Variants in DCAF5 observed in about 807,000 individuals in gnomAD.
The protein encoded by DCAF5 is DDB1- and CUL4-associated factor 5.
Under a neutral mutation model 80.7 loss-of-function variants are expected in DCAF5, and 9 were observed. The ratio of observed to expected loss-of-function variants is 0.11; its 90% CI spans 0.07 to 0.19. The LOEUF is 0.19. DCAF5 is among the 10% of genes least tolerant of loss of function. The pLI is 1.00. For synonymous variants in DCAF5, 433 were observed against 461.9 expected, an observed-to-expected ratio of 0.94 and a Z score of 0.80; for missense variants, 842 against 1,205.7, an observed-to-expected ratio of 0.70 and a Z score of 4.47.
At chr14:69,135,993 T>G (rs181884867) in intron 1 of DCAF5, among the ~76,000 whole-genome samples, 55 of 152,346 alleles carry the variant, frequency 3.6e-4, no homozygotes, top group African/African-American at 1.2e-3. Context: ...GGTTTTATAT[T>G]CTACATTGCA....
At chr14:69,095,812 CCAA>C (rs1323515211) in intron 5 of DCAF5, among the ~76,000 whole-genome samples, 1 of 152,104 alleles carries the variant, frequency 6.6e-6, no homozygotes, top group African/African-American at 2.4e-5. Context: ...CCTGGTGGTA[CCAA>C]CAAGATTTTC....
intron 7 of DCAF5, among the ~76,000 whole-genome samples, chr14:69,071,305 A>G (rs1270293747): frequency 1.3e-5 from 2 of 152,108 alleles, no homozygotes; most frequent in African/African-American, 2.4e-5. Context: ...TGGAGTTTGT[A>G]TAGCAAAAAA....
intron 1 of DCAF5, among the ~76,000 whole-genome samples, chr14:69,148,175 G>C (rs1159657141): frequency 6.7e-6 from 1 of 149,884 alleles, no homozygotes; most frequent in Non-Finnish European, 1.5e-5. Context: ...AAGCATAAGA[G>C]GAGGCAATGA....
intron 8 of DCAF5, among the ~76,000 whole-genome samples, chr14:69,056,647 T>C (rs2037982615): frequency 6.6e-6 from 1 of 152,202 alleles, no homozygotes; most frequent in African/African-American, 2.4e-5. Context: ...TATCTTTAGA[T>C]GGCATCCAAC....
At chr14:69,067,506 G>A (rs2038501695) in intron 7 of DCAF5, among the ~76,000 whole-genome samples, 1 of 151,802 alleles carries the variant, frequency 6.6e-6, no homozygotes, top group African/African-American at 2.4e-5. Context: ...ACCACACCTG[G>A]CTAATTTTTT....
In DCAF5 at chr14:69,105,240, C is replaced by T. The variant is rs148308767; in HGVS notation, c.665+11126G>A. Among the ~76,000 whole-genome samples the T allele has an allele frequency of 8.8e-3, 1,334 of 152,120 alleles. 21 individuals carry two copies. Among genetic ancestry groups the T allele is most frequent in the African/African-American group, 0.031 (1,271 of 41,484 alleles). ...TAGCCAGAAGATGGGACAATCCAAACGGCTATCATTAGATGAATGGATAAA... is the reference window on the plus strand; with the variant it reads ...TAGCCAGAAGATGGGACAATCCAAATGGCTATCATTAGATGAATGGATAAA... On this transcript the variant is annotated intron_variant, in intron 5 of 8. Transcript: ENST00000341516.
intron 5 of DCAF5, among the ~76,000 whole-genome samples, chr14:69,115,992 G>A (rs2040533088): frequency 6.6e-6 from 1 of 152,044 alleles, no homozygotes; most frequent in Admixed American, 6.6e-5. Flanking sequence ...CAACAAGTTT[G>A]GCAAATCTCC....
At chr14:69,112,873 C>T (rs1470404652) in intron 5 of DCAF5, among the ~76,000 whole-genome samples, 1 of 152,120 alleles carries the variant, frequency 6.6e-6, no homozygotes, top group Non-Finnish European at 1.5e-5. Flanking sequence ...GATCTGTAAC[C>T]AAGAAGTATG....
At chr14:69,127,814 C>T (rs1275410) in intron 1 of DCAF5, among the ~76,000 whole-genome samples, 37,094 of 152,048 alleles carry the variant, frequency 0.24, 5,879 homozygotes, top group Middle Eastern at 0.43. Context: ...TTCTCTAAAA[C>T]AAAGTCTTAA....
intron 7 of DCAF5, among the ~76,000 whole-genome samples, chr14:69,073,259 A>C (rs1256930173): frequency 1.1e-4 from 16 of 152,160 alleles, no homozygotes; most frequent in Admixed American, 1.0e-3. Flanking sequence ...CTTCCTTATA[A>C]GAAGGGGAAG....
At position 69,075,338 on chromosome 14, in the gene DCAF5, T is replaced by TACTTG; in HGVS notation, c.946+2_946+6dup. On this transcript the variant is annotated splice_region_variant and intron_variant, in intron 7 of 8. Transcript: ENST00000341516. Reference sequence around the variant, plus strand: ...TAGCAGTACATTCATGTGAAGGATATACTTGCCTGCTTCTGGATCTGCAGG... The same window carrying TACTTG: ...TAGCAGTACATTCATGTGAAGGATATACTTGACTTGCCTGCTTCTGGATCTGCAGG... 1.2e-6 allele frequency: 2 copies of TACTTG among 1,604,888 alleles called. No homozygotes were observed. The highest frequency in any genetic ancestry group is 1.7e-6 in the Non-Finnish European group (2 of 1,173,770).
In DCAF5 at chr14:69,053,961, T is replaced by A; in HGVS notation, c.2725A>T (p.Ser909Cys). ...CTGTGGCCATGAACAGCCCTGCTAC[T>A]ATCTGTGGCTGGGGTGTCAGTGGGG... ...EDPTDTPATD[S>C]SRAVHGHSGL... Residue 909 changes from serine (S) to cysteine (C), a missense_variant, in exon 9 of 9, where the codon AGT becomes TGT. Around this residue, in one of 5 missense-constraint regions of DCAF5, gnomAD observed 607 missense variants for 656.6 expected, o/e 0.92. Transcript: ENST00000341516. 1.2e-6 allele frequency: 2 copies of A among 1,613,288 alleles called. No homozygotes were observed. Among genetic ancestry groups the A allele is most frequent in the South Asian group, 1.1e-5 (1 of 90,942 alleles).
chr14:69,119,874 C>T (rs2040661117), intron 2 of DCAF5, among the ~76,000 whole-genome samples: 1 of 152,032 alleles, frequency 6.6e-6, no homozygotes, highest in African/African-American at 2.4e-5. Flanking sequence ...ATTTCTATGA[C>T]CTAACTTTTT....
In DCAF5 at chr14:69,054,591, T is replaced by C; in HGVS notation, c.2095A>G (p.Lys699Glu). 1 of 1,614,190 alleles carries C rather than the reference T, an allele frequency of 6.2e-7. No individual in the cohort carries two copies. The highest frequency in any genetic ancestry group is 8.5e-7 in the Non-Finnish European group (1 of 1,180,020). The change falls in exon 9 of 9, where the codon AAA (lysine) becomes GAA (glutamate). Residue 699 changes from lysine (K) to glutamate (E), a missense_variant. Lys to Glu is a moderately conservative substitution (Grantham distance 56). Coordinates refer to ENST00000341516, the MANE Select transcript of DCAF5 (RefSeq NM_003861.3). ...ADEGRAGTSH[K>E]DNPAPSSSKE... The stretch of plus-strand genomic sequence containing the variant: ...CTGGAAGAAGGGGCTGGGTTGTCTT[T>C]GTGGCTGGTTCCTGCTCTCCCTTCA...
intron 7 of DCAF5, among the ~76,000 whole-genome samples, chr14:69,066,494 TC>T (rs1034775702): frequency 6.6e-6 from 1 of 152,162 alleles, no homozygotes; most frequent in African/African-American, 2.4e-5. Flanking sequence ...CATATATTAA[TC>T]TTTCTTTGAT....
At chr14:69,107,633 C>T (rs2040208068) in intron 5 of DCAF5, among the ~76,000 whole-genome samples, 1 of 152,282 alleles carries the variant, frequency 6.6e-6, no homozygotes, top group East Asian at 1.9e-4. Flanking sequence ...CACCAGAATA[C>T]CTGGCTCTCT....
intron 5 of DCAF5, among the ~76,000 whole-genome samples, chr14:69,106,871 C>G (rs1186329254): frequency 6.6e-6 from 1 of 151,960 alleles, no homozygotes; most frequent in Non-Finnish European, 1.5e-5. Flanking sequence ...GAAACCCCAT[C>G]TCTACTAAAA....
At chr14:69,081,339 T>C (rs958476126) in intron 6 of DCAF5, among the ~76,000 whole-genome samples, 3 of 152,102 alleles carry the variant, frequency 2.0e-5, no homozygotes, top group Non-Finnish European at 4.4e-5. Flanking sequence ...AGGTGGGAAA[T>C]ATCAATGCTA....
At chr14:69,093,617 A>C (rs1053843421) in intron 5 of DCAF5, among the ~76,000 whole-genome samples, 64 of 152,184 alleles carry the variant, frequency 4.2e-4, no homozygotes, top group Non-Finnish European at 1.3e-4. Flanking sequence ...CCACAGTACA[A>C]AGGCAGCTGC....
Sources: allele counts gnomAD v4.1 joint callset (sites outside exome capture counted in the v4.1 genomes callset), GRCh38; gene constraint gnomAD v4.1.1; regional missense constraint gnomAD v4.1.1; transcripts MANE v1.5; gene names NCBI Gene and HGNC (gene_info 2026-07-23, HGNC 2026-07-21).